APLF: variants seen among roughly 807,000 people sequenced by gnomAD.
APLF encodes the protein aprataxin and PNKP like factor, also known as aprataxin and PNK-like factor.
A neutral mutation model predicts 55.6 loss-of-function variants in APLF; 61 were observed. The observed-to-expected ratio is 1.10, with a 90% CI of 0.89 to 1.36. The LOEUF is 1.36. Ranked by LOEUF, APLF falls within the 40% of genes most tolerant of loss-of-function variation. The pLI, the probability that APLF is intolerant of heterozygous loss-of-function variation, is 0.00. For missense variants in APLF, 611 were observed against 602.5 expected (o/e 1.01, Z -0.15); for synonymous variants, 207 against 214.8 (o/e 0.96, Z 0.32).
intron 1 of APLF, among the ~76,000 whole-genome samples, chr2:68,473,612 T>C (rs1573141700): frequency 6.6e-6 from 1 of 152,230 alleles, no homozygotes; most frequent in African/African-American, 2.4e-5. Context: ...AGAGTGGCTG[T>C]ACTATTTGCA....
At chr2:68,480,911 T>C (rs1226015550) in intron 1 of APLF, among the ~76,000 whole-genome samples, 1 of 152,238 alleles carries the variant, frequency 6.6e-6, no homozygotes, top group African/African-American at 2.4e-5. Flanking sequence ...ATATATCACA[T>C]TTATTGATTT....
intron 5 of APLF, among the ~76,000 whole-genome samples, chr2:68,514,361 A>G (rs762033732): frequency 1.3e-4 from 19 of 151,706 alleles, no homozygotes; most frequent in African/African-American, 4.4e-4. Flanking sequence ...GTGATTTTCT[A>G]TTGATACTGG....
chr2:68,502,758 T>C lies in APLF; in HGVS notation c.196T>C (p.Ser66Pro). 2 of 1,555,640 alleles carry C rather than the reference T, an allele frequency of 1.3e-6. No individual in the cohort carries two copies. Among genetic ancestry groups the C allele is most frequent in the African/African-American group, 2.8e-5 (2 of 71,598 alleles). Residue 66 changes from serine to proline, a missense_variant, in exon 3 of 10, where the codon TCT becomes CCT. Transcript: ENST00000303795. ...PIHTNPCFYQ[S>P]SEKSQLLPLK... Reference sequence around the variant, plus strand: ...ACACACAAATCCATGTTTTTACCAGTCTTCAGAGAAGAGTCAGCTCTTACC... The same window carrying C: ...ACACACAAATCCATGTTTTTACCAGCCTTCAGAGAAGAGTCAGCTCTTACC...
At chr2:68,544,269 A>G (rs1400153365) in intron 7 of APLF, among the ~76,000 whole-genome samples, 1 of 151,966 alleles carries the variant, frequency 6.6e-6, no homozygotes, top group East Asian at 1.9e-4. Flanking sequence ...GTGAGCCACC[A>G]CAGCCGACCC....
intron 2 of APLF, among the ~76,000 whole-genome samples, chr2:68,492,969 T>C: frequency 6.6e-6 from 1 of 152,296 alleles, no homozygotes; most frequent in South Asian, 2.1e-4. Context: ...ACTTAGAATG[T>C]CATAGCCTTC....
intron 1 of APLF, among the ~76,000 whole-genome samples, chr2:68,475,633 C>T (rs1675746928): frequency 6.6e-6 from 1 of 152,116 alleles, no homozygotes; most frequent in Non-Finnish European, 1.5e-5. Flanking sequence ...ATAATTGCCC[C>T]TTCTTAACAT....
chr2:68,549,431 T>A (rs1670794804), intron 8 of APLF, among the ~76,000 whole-genome samples: 1 of 152,134 alleles, frequency 6.6e-6, no homozygotes, highest in Admixed American at 6.5e-5. Flanking sequence ...CTTTGATATT[T>A]ATAAATGTTT....
At chr2:68,515,820 A>T (rs1669563105) in intron 5 of APLF, 2 of 842,190 alleles carry the variant, frequency 2.4e-6, no homozygotes, top group Non-Finnish European at 2.9e-6. Flanking sequence ...AAGACAGTTT[A>T]GTACTTTAGA....
intron 2 of APLF, among the ~76,000 whole-genome samples, chr2:68,493,304 G>C (rs1218529594): frequency 6.6e-6 from 1 of 151,996 alleles, no homozygotes; most frequent in Non-Finnish European, 1.5e-5. Flanking sequence ...TCAGTAAATG[G>C]TACTGGGACA....
At chr2:68,487,924 G>C (rs1676234822) in intron 1 of APLF, among the ~76,000 whole-genome samples, 1 of 152,058 alleles carries the variant, frequency 6.6e-6, no homozygotes, top group Non-Finnish European at 1.5e-5. Context: ...AGCTTGTAAT[G>C]AAATTACACT....
intron 5 of APLF, chr2:68,515,760 C>T (rs754975442): frequency 1.1e-4 from 108 of 977,390 alleles, no homozygotes; most frequent in Middle Eastern, 5.2e-4. Flanking sequence ...AAACTAAGAC[C>T]GTGGGAGAAG....
chr2:68,518,111 C>A (rs979520190), intron 5 of APLF, among the ~76,000 whole-genome samples: 4 of 126,520 alleles, frequency 3.2e-5, no homozygotes, highest in South Asian at 2.4e-4. Flanking sequence ...TATAATATAT[C>A]ATATACAATA....
chr2:68,555,071 A>G (rs1670966461), intron 8 of APLF, among the ~76,000 whole-genome samples: 1 of 152,124 alleles, frequency 6.6e-6, no homozygotes, highest in Non-Finnish European at 1.5e-5. Context: ...AGGATACCCT[A>G]TTCAACAAAT....
intron 5 of APLF, among the ~76,000 whole-genome samples, chr2:68,525,299 A>T (rs1489423126): frequency 1.4e-5 from 2 of 140,988 alleles, no homozygotes; most frequent in Non-Finnish European, 3.1e-5. Context: ...CTGTCTCATT[A>T]AAAAAAAAAA....
intron 8 of APLF, among the ~76,000 whole-genome samples, chr2:68,563,772 A>G (rs1671225749): frequency 6.6e-6 from 1 of 152,048 alleles, no homozygotes; most frequent in South Asian, 2.1e-4. Context: ...CAATGATCCT[A>G]CTTAACTGTT....
chr2:68,555,398 C>T (rs1286904370), intron 8 of APLF, among the ~76,000 whole-genome samples: 1 of 152,112 alleles, frequency 6.6e-6, no homozygotes, highest in Non-Finnish European at 1.5e-5. Context: ...TGAAAATCTT[C>T]ACAATTTGTA....
chr2:68,556,348 G>A (rs1365634493), intron 8 of APLF, among the ~76,000 whole-genome samples: 2 of 151,828 alleles, frequency 1.3e-5, no homozygotes, highest in Non-Finnish European at 2.9e-5. Context: ...AATAACCTAT[G>A]GAAATAAAAA....
intron 1 of APLF, among the ~76,000 whole-genome samples, chr2:68,471,583 GA>G (rs1342337905): frequency 6.6e-6 from 1 of 152,198 alleles, no homozygotes; most frequent in Non-Finnish European, 1.5e-5. Context: ...CAGGGACAGT[GA>G]TAAATGACAA....
chr2:68,502,865 C>T lies in APLF; in HGVS notation c.303C>T (p.Leu101=). ...TTGACAAATACATTTTCCGCATTCT[C>T]TCTATACCCTCTGAAGTGGAAATGC... is the stretch of plus-strand genomic sequence containing the variant. The part of the protein sequence containing the change: ...LLVDKYIFRI[L]SIPSEVEMQC... Residue 101 remains leucine (L), a synonymous_variant, in exon 3 of 10, where the codon CTC becomes CTT. Transcript: ENST00000303795. 1.9e-6 allele frequency: 3 copies of T among 1,606,074 alleles called. No homozygotes were observed. The highest frequency in any genetic ancestry group is 1.7e-6 in the Non-Finnish European group (2 of 1,177,364).
Sources: allele counts gnomAD v4.1 joint callset (sites outside exome capture counted in the v4.1 genomes callset), GRCh38; gene constraint gnomAD v4.1.1; transcripts MANE v1.5; gene names NCBI Gene and HGNC (gene_info 2026-07-23, HGNC 2026-07-21).